The following STAB1 variants were observed in gnomAD, a reference collection of about 807,000 sequenced individuals.
The protein encoded by STAB1 is stabilin 1, also known as stabilin-1.
A neutral mutation model predicts 332.4 loss-of-function variants in STAB1; 250 were observed. The observed-to-expected ratio is 0.75, with a 90% CI of 0.68 to 0.84. The LOEUF is 0.84. Ranked by LOEUF, STAB1 falls within the 40% of genes least tolerant of loss-of-function variation. The pLI, the probability that STAB1 is intolerant of heterozygous loss-of-function variation, is 0.00. For synonymous variants in STAB1, 1,475 were observed against 1,390.4 expected (o/e 1.06, Z -1.35); for missense variants, 3,249 against 3,489.7 (o/e 0.93, Z 1.74).
chr3:52,517,476 G>C (rs958294084), intron 43 of STAB1, 74 bp from the exon 44 acceptor site: 4 of 1,592,256 alleles, frequency 2.5e-6, no homozygotes, highest in Admixed American at 1.7e-5. Flanking sequence ...CCCGGGGAGG[G>C]GGGTGACCCT....
At position 52,514,193 on chromosome 3, in the gene STAB1, C is replaced by T; in HGVS notation, c.3526C>T (p.Gln1176Ter). The T allele has an allele frequency of 6.2e-7, 1 of 1,613,240 alleles. No homozygotes were observed. The highest frequency in any genetic ancestry group is 8.5e-7 in the Non-Finnish European group (1 of 1,179,990). The change falls in exon 33 of 69, where the codon CAG becomes TAG. Residue 1176 changes from glutamine to a stop codon, truncating the protein, a stop_gained. Coordinates refer to ENST00000321725, the MANE Select transcript of STAB1 (RefSeq NM_015136.3). LOFTEE classifies it high-confidence loss of function. The stretch of plus-strand genomic sequence containing the variant: ...GCCCACCAACCGCTCCCTGGAGGCC[C>T]AGGGCAACAGCAGTCACCTGGTGAG... ...FVPTNRSLEA[Q>*]GNSSHLDADT... is the part of the protein sequence containing the mutation.
intron 43 of STAB1, 76 bp from the exon 44 acceptor site, chr3:52,517,474 G>A (rs1414901097): frequency 8.2e-6 from 13 of 1,588,514 alleles, no homozygotes; most frequent in Non-Finnish European, 1.1e-5. Flanking sequence ...GGCCCGGGGA[G>A]GGGGGTGACC....
chr3:52,501,457 G>C (rs1708435921), intron 2 of STAB1, 155 bp downstream of exon 2: 1 of 1,254,680 alleles, frequency 8.0e-7, no homozygotes, highest in Admixed American at 2.1e-5. Context: ...GGGGAGGAAG[G>C]GGTAAAGGCG....
chr3:52,496,325 GTC>G (rs1214756009), intron 1 of STAB1, among the ~76,000 whole-genome samples: 2 of 152,328 alleles, frequency 1.3e-5, no homozygotes, highest in African/African-American at 4.8e-5. Context: ...GATGGGGGTA[GTC>G]TCTCTCCTGT....
chr3:52,514,237 T>C, intron 33 of STAB1, 24 bp downstream of exon 33: 2 of 1,611,842 alleles, frequency 1.2e-6, no homozygotes, highest in Non-Finnish European at 1.7e-6. Context: ...GATGGGGCAA[T>C]GGCAGGGAGG....
chr3:52,499,726 C>T (rs1194359468), intron 1 of STAB1, among the ~76,000 whole-genome samples: 2 of 150,622 alleles, frequency 1.3e-5, no homozygotes, highest in African/African-American at 4.9e-5. Context: ...GGTGAAACCC[C>T]GTCTCTACTA....
intron 1 of STAB1, among the ~76,000 whole-genome samples, chr3:52,497,243 G>A (rs2153232355): frequency 6.6e-6 from 1 of 152,142 alleles, no homozygotes; most frequent in South Asian, 2.1e-4. Context: ...ACCTGCCTCA[G>A]CCTCCCAAAG....
chr3:52,504,775 A>G lies in STAB1; in HGVS notation c.1276A>G (p.Ile426Val). ...CCAGCAGCTCTGTAGACAGCACATC[A>G]TCGCAGGGCAGCACATCCTGGAGGA... ...LAQQLCRQHI[I>V]AGQHILEDTR... Residue 426 changes from isoleucine (I) to valine (V), a missense_variant, in exon 12 of 69, where the codon ATC (isoleucine) becomes GTC (valine). Transcript: ENST00000321725. 6.2e-7 allele frequency: 1 copy of G among 1,613,892 alleles called. No individual in the cohort carries two copies. The highest frequency in any genetic ancestry group is 8.5e-7 in the Non-Finnish European group (1 of 1,180,034).
intron 1 of STAB1, among the ~76,000 whole-genome samples, chr3:52,500,515 G>A (rs1268909854): frequency 6.6e-6 from 1 of 152,252 alleles, no homozygotes; most frequent in Non-Finnish European, 1.5e-5. Context: ...GAAAGCCCTT[G>A]CGCTTGGTTA....
intron 66 of STAB1, 56 bp from the exon 67 acceptor site, chr3:52,523,814 CG>C: frequency 1.3e-6 from 2 of 1,583,570 alleles, no homozygotes; most frequent in Non-Finnish European, 8.6e-7. Flanking sequence ...CCTGTGAGCC[CG>C]GGGAAGGTGG....
chr3:52,515,909 G>T, intron 37 of STAB1, 134 bp from the exon 38 acceptor site: 1 of 1,014,178 alleles, frequency 9.9e-7, no homozygotes, highest in Non-Finnish European at 1.4e-6. Flanking sequence ...TCAGCTCTGA[G>T]CTGCTCATCC....
At chr3:52,498,292 G>A (rs111514265) in intron 1 of STAB1, among the ~76,000 whole-genome samples, 4,902 of 152,262 alleles carry the variant, frequency 0.032, 274 homozygotes, top group African/African-American at 0.11. Context: ...GACAGCACCC[G>A]CTCTGGCTCA....
intron 30 of STAB1, 122 bp from the exon 31 acceptor site, chr3:52,513,595 T>C: frequency 2.0e-6 from 2 of 997,736 alleles, no homozygotes; most frequent in South Asian, 1.5e-5. Context: ...ACCCAGCTTG[T>C]GGGCCAGCCT....
At position 52,521,017 on chromosome 3, in the gene STAB1, A is replaced by G. The variant is rs1464079718; in HGVS notation, c.5908+12A>G. The G allele has an allele frequency of 2.6e-6, 4 of 1,527,588 alleles. No individual in the cohort carries two copies. The South Asian group carries it at 3.9e-5, about 15-fold the overall frequency. 94.6% of individuals were successfully genotyped at this position (1,527,588 alleles called of 1,614,324 possible). ...CAGTGAGTGCCAAGGTGAGCATTGC[A>G]GACACTGTTGACTAGCTCCTCTGTT... On this transcript the variant is annotated intron_variant, in intron 55 of 68. Coordinates refer to ENST00000321725, the MANE Select transcript of STAB1 (RefSeq NM_015136.3).
chr3:52,501,051 C>T, intron 1 of STAB1, 115 bp from the exon 2 acceptor site: 1 of 1,440,548 alleles, frequency 6.9e-7, no homozygotes, highest in Non-Finnish European at 9.5e-7. Context: ...TACTCTGACC[C>T]CTGAGCAGAT....
chr3:52,519,393 C>T lies in STAB1; in HGVS notation c.5164C>T (p.Pro1722Ser), dbSNP rs745540345. ...EALHWEPDDA[P>S]IPRRNVTAAA... ...GCTGCACTGGGAGCCTGATGATGCTCCCATCCCGAGGGTATGACAAGCACG... is the reference window on the plus strand; with the variant it reads ...GCTGCACTGGGAGCCTGATGATGCTTCCATCCCGAGGGTATGACAAGCACG... The change falls in exon 49 of 69, where the codon CCC becomes TCC. Residue 1722 changes from proline to serine, a missense_variant. Transcript: ENST00000321725. The T allele has an allele frequency of 1.9e-6, 3 of 1,613,062 alleles. No individual in the cohort carries two copies. Among genetic ancestry groups the T allele is most frequent in the Admixed American group, 1.7e-5 (1 of 60,024 alleles).
At chr3:52,501,783 G>A (rs145401523) in intron 3 of STAB1, 30 bp downstream of exon 3, 64 of 1,541,730 alleles carry the variant, frequency 4.2e-5, no homozygotes, top group Admixed American at 9.8e-5. Context: ...CCCGCCTTGC[G>A]CCTCCCACCC....
chr3:52,523,762 T>C lies in STAB1; in HGVS notation c.7395+6T>C. 6.3e-7 allele frequency: 1 copy of C among 1,596,022 alleles called. No homozygotes were observed. Among genetic ancestry groups the C allele is most frequent in the Non-Finnish European group, 8.6e-7 (1 of 1,166,628 alleles). On this transcript the variant is annotated splice_donor_region_variant and intron_variant, in intron 66 of 68. Transcript: ENST00000321725. ...TCCTGGCACCCCCACAGCCCGTGAGTTGAGGAAGGGGGAGGCAGAGCCCTT... is the reference window on the plus strand; with the variant it reads ...TCCTGGCACCCCCACAGCCCGTGAGCTGAGGAAGGGGGAGGCAGAGCCCTT...
rs1431025343 is a variant in STAB1, at chr3:52,523,891, A to C, written c.7416A>C (p.Glu2472Asp). The C allele has an allele frequency of 6.2e-7, 1 of 1,604,942 alleles. No homozygotes were observed. The highest frequency in any genetic ancestry group is 1.7e-5 in the Admixed American group (1 of 59,850). Residue 2472 changes from glutamate to aspartate, a missense_variant, in exon 67 of 69, where the codon GAA (glutamate) becomes GAC (aspartate). Glu to Asp is a conservative substitution (Grantham distance 45). Coordinates refer to ENST00000321725, the MANE Select transcript of STAB1 (RefSeq NM_015136.3). Reference sequence around the variant, plus strand: ...TGTAGCAGGCAGTGCTGGCGCCTGAAGCCCCACCTGTGGCGGCAGGCGTGG... The same window carrying C: ...TGTAGCAGGCAGTGCTGGCGCCTGACGCCCCACCTGTGGCGGCAGGCGTGG... ...PPQPQAVLAP[E>D]APPVAAGVGA...
Sources: allele counts gnomAD v4.1 joint callset (sites outside exome capture counted in the v4.1 genomes callset), GRCh38; gene constraint gnomAD v4.1.1; transcripts MANE v1.5; gene names NCBI Gene and HGNC (gene_info 2026-07-23, HGNC 2026-07-21).